DYNC2I1: variants seen among roughly 807,000 people sequenced by gnomAD.
DYNC2I1 encodes cytoplasmic dynein 2 intermediate chain 1.
DYNC2I1 carries 89 observed loss-of-function variants against 133.4 expected under a neutral mutation model. That is an observed-to-expected ratio of 0.67 (90% CI 0.56 to 0.80). The LOEUF (loss-of-function observed/expected upper bound fraction) is 0.80. DYNC2I1 is among the 30% of genes least tolerant of loss of function. The pLI is 0.00. For missense variants in DYNC2I1, 1,291 were observed against 1,314.5 expected (o/e 0.98, Z 0.28); for synonymous variants, 504 against 484.3 (o/e 1.04, Z -0.54).
rs572405154 is a variant in DYNC2I1, at chr7:158,871,524, G to T, written c.452G>T (p.Arg151Leu). 3 of 1,544,588 alleles carry T rather than the reference G, an allele frequency of 1.9e-6. No individual in the cohort carries two copies. The highest frequency in any genetic ancestry group is 2.0e-5 in the Admixed American group (1 of 50,850). Residue 151 changes from arginine to leucine, a missense_variant, in exon 3 of 25, where the codon CGG becomes CTG. By Grantham distance (102) the Arg-to-Leu change is moderately radical. Coordinates refer to ENST00000407559, the MANE Select transcript of DYNC2I1 (RefSeq NM_018051.5). Reference protein sequence around the residue: ...HNLLGQETRDRQLLERAERKG... With the variant: ...HNLLGQETRDLQLLERAERKG... ...CTGCTGGGCCAGGAGACACGCGACC[G>T]GCAGCTCCTGGAGCGGGCGGAGAGG... is the stretch of plus-strand genomic sequence containing the variant.
In DYNC2I1 at chr7:158,906,592, G is replaced by T. The variant is rs557133082; in HGVS notation, c.1460+501G>T. The stretch of plus-strand genomic sequence containing the variant: ...TTCTGTCTCAGTCTCTTGAGTAGCT[G>T]GGATTACAGGTGGCCGCCACCACGC... On this transcript the variant is annotated intron_variant, in intron 11 of 24. Transcript: ENST00000407559. Among the ~76,000 whole-genome samples the T allele has an allele frequency of 2.4e-3, 360 of 152,120 alleles. 4 individuals are homozygous for T. The highest frequency in any genetic ancestry group is 7.9e-3 in the South Asian group (38 of 4,812).
intron 1 of DYNC2I1, among the ~76,000 whole-genome samples, chr7:158,865,712 A>G (rs952392684): frequency 1.3e-5 from 2 of 152,092 alleles, no homozygotes; most frequent in Non-Finnish European, 2.9e-5. Context: ...TTGGTTCCAT[A>G]CTTGGAGAGT....
chr7:158,839,570 A>C, the DYNC2I1 span, among the ~76,000 whole-genome samples: 4 of 152,224 alleles, frequency 2.6e-5, no homozygotes, highest in Non-Finnish European at 4.4e-5. Context: ...CTGTAATCCC[A>C]GCACTTTGGG....
intron 7 of DYNC2I1, among the ~76,000 whole-genome samples, chr7:158,889,430 A>T (rs999191120): frequency 2.0e-5 from 3 of 152,070 alleles, no homozygotes; most frequent in African/African-American, 7.2e-5. Context: ...AGTTTGGACG[A>T]TATAGATCTA....
intron 23 of DYNC2I1, among the ~76,000 whole-genome samples, chr7:158,934,754 A>T (rs976881588): frequency 6.6e-6 from 1 of 152,098 alleles, no homozygotes; most frequent in African/African-American, 2.4e-5. Flanking sequence ...TGGCTAATTT[A>T]AAAAATGTAT....
intron 3 of DYNC2I1, among the ~76,000 whole-genome samples, chr7:158,875,383 G>A (rs1342551438): frequency 6.6e-6 from 1 of 152,138 alleles, no homozygotes; most frequent in Non-Finnish European, 1.5e-5. Context: ...GTGAGCTACC[G>A]TGCCCAGCCT....
chr7:158,918,802 T>C lies in DYNC2I1; in HGVS notation c.1854T>C (p.Ala618=). 6.2e-7 allele frequency: 1 copy of C among 1,613,918 alleles called. No individual in the cohort carries two copies. Residue 618 remains alanine (A), a synonymous_variant, in exon 15 of 25, where the codon GCT becomes GCC. Coordinates refer to ENST00000407559, the MANE Select transcript of DYNC2I1 (RefSeq NM_018051.5). The part of the protein sequence containing the change: ...LAAEPSWNLR[A]QDRALYFSDS... The stretch of plus-strand genomic sequence containing the variant: ...CTGAACCCAGCTGGAATCTTAGGGC[T>C]CAAGACAGGGCCCTGTATTTTAGTG...
At position 158,864,874 on chromosome 7, in the gene DYNC2I1, C is replaced by T. The variant is rs183747285; in HGVS notation, c.16-4981C>T. Among the ~76,000 whole-genome samples, 254 of 152,330 alleles carry T rather than the reference C, an allele frequency of 1.7e-3. 1 individual carries two copies. The highest frequency in any genetic ancestry group is 5.5e-3 in the African/African-American group (230 of 41,562). ...GTTCAAATCAGTATTTAACTTTAAC[C>T]TCTGATGAGTGTTTTCTAAAAGAGG... On this transcript the variant is annotated intron_variant, in intron 1 of 24. Transcript: ENST00000407559.
chr7:158,857,791 C>CTTT (rs369240011), intron 1 of DYNC2I1, among the ~76,000 whole-genome samples: 2 of 133,580 alleles, frequency 1.5e-5, no homozygotes. Context: ...TGCACCCGGC[C>CTTT]TTTTTTTTTT....
chr7:158,933,706 G>C (rs1408961189), intron 21 of DYNC2I1, among the ~76,000 whole-genome samples: 1 of 152,198 alleles, frequency 6.6e-6, no homozygotes, highest in East Asian at 1.9e-4. Context: ...GCAAATTGGG[G>C]CTCACAGGTT....
chr7:158,921,649 A>G (rs890543899), intron 15 of DYNC2I1, among the ~76,000 whole-genome samples: 2 of 152,142 alleles, frequency 1.3e-5, no homozygotes, highest in African/African-American at 4.8e-5. Context: ...TGACCCAAGC[A>G]TGGATGGTGT....
downstream of DYNC2I1, among the ~76,000 whole-genome samples, chr7:158,948,663 A>T (rs888288616): frequency 2.6e-5 from 4 of 152,288 alleles, no homozygotes; most frequent in African/African-American, 7.2e-5. Context: ...GCAACTGGAT[A>T]TGCAGACTTT....
upstream of DYNC2I1, among the ~76,000 whole-genome samples, chr7:158,856,107 A>ATT (rs530437470): frequency 7.8e-5 from 11 of 141,840 alleles, no homozygotes; most frequent in Admixed American, 6.3e-4. Flanking sequence ...GCGCCCAGCT[A>ATT]TTTTTTTTTT....
intron 1 of DYNC2I1, among the ~76,000 whole-genome samples, chr7:158,862,416 G>A (rs149538496): frequency 2.0e-5 from 3 of 152,208 alleles, no homozygotes; most frequent in East Asian, 3.9e-4. Context: ...TCCAGTGTAT[G>A]ACATTGGTAG....
rs114596236 is a variant in DYNC2I1 at position 158,865,373 on chromosome 7, C to T, written c.16-4482C>T. 5.1e-3 allele frequency among the ~76,000 whole-genome samples: 780 copies of T among 152,276 alleles called. 5 individuals carry two copies. The highest frequency in any genetic ancestry group is 0.018 in the African/African-American group (744 of 41,544). ...AGGGATGTAAACATTGTTCAGGGTT[C>T]TTACTGTACAGTTCTCAATAGAATT... On this transcript the variant is annotated intron_variant, in intron 1 of 24. Transcript: ENST00000407559.
chr7:158,862,400 C>T (rs1841939264), intron 1 of DYNC2I1, among the ~76,000 whole-genome samples: 1 of 152,050 alleles, frequency 6.6e-6, no homozygotes, highest in South Asian at 2.1e-4. Context: ...GTTACGAATT[C>T]TGGTGTCCAG....
chr7:158,871,170 A>G lies in DYNC2I1; in HGVS notation c.98A>G (p.Glu33Gly), dbSNP rs780570177. The change falls in exon 3 of 25, where the codon GAA becomes GGA. Residue 33 changes from glutamate (E) to glycine (G), a missense_variant. Glu to Gly is a moderately conservative substitution (Grantham distance 98). Transcript: ENST00000407559. The part of the protein sequence containing the change: ...WAIQSGGSKE[E>G]RKHREKKLRK... The stretch of plus-strand genomic sequence containing the variant: ...ATACAGTCAGGTGGTTCCAAGGAAG[A>G]AAGAAAGCACAGAGAGAAGAAGCTG... 2 of 1,613,462 alleles carry G rather than the reference A, an allele frequency of 1.2e-6. No individual in the cohort carries two copies. The highest frequency in any genetic ancestry group is 4.5e-5 in the East Asian group (2 of 44,860).
At chr7:158,869,930 A>G in intron 2 of DYNC2I1, 22 bp downstream of exon 2, 1 of 1,610,248 alleles carries the variant, frequency 6.2e-7, no homozygotes, top group Non-Finnish European at 8.5e-7. Flanking sequence ...AAAGATTTGG[A>G]TTGGGATCTG....
chr7:158,899,455 T>C (rs114344502), intron 8 of DYNC2I1, among the ~76,000 whole-genome samples: 2,297 of 152,318 alleles, frequency 0.015, 50 homozygotes, highest in African/African-American at 0.052. Flanking sequence ...GGAAGAGTTA[T>C]TTCCCTTTAC....
Sources: allele counts gnomAD v4.1 joint callset (sites outside exome capture counted in the v4.1 genomes callset), GRCh38; gene constraint gnomAD v4.1.1; transcripts MANE v1.5; gene names NCBI Gene and HGNC (gene_info 2026-07-23, HGNC 2026-07-21).